Variants in IRF4 observed in about 807,000 individuals in gnomAD.
IRF4 encodes the protein interferon regulatory factor 4.
A neutral mutation model predicts 55.5 loss-of-function variants in IRF4; 13 were observed. That is an observed-to-expected ratio of 0.23 (90% CI 0.15 to 0.37). The LOEUF (loss-of-function observed/expected upper bound fraction) is 0.37, where lower values mean the gene tolerates loss of function less well. IRF4 is among the 10% of genes least tolerant of loss of function. IRF4 has a pLI of 1.00. For synonymous variants in IRF4, 249 were observed against 240.7 expected (o/e 1.03, Z -0.32); for missense variants, 397 against 593.8 (o/e 0.67, Z 3.44).
At chr6:394,427 C>G (rs1191040825) in intron 2 of IRF4, among the ~76,000 whole-genome samples, 1 of 152,194 alleles carries the variant, frequency 6.6e-6, no homozygotes, top group African/African-American at 2.4e-5. Flanking sequence ...AGGACCTATG[C>G]GCCATTCTTT....
rs143711356 is a variant in IRF4 at position 407,472 on chromosome 6, C to T, written c.1230C>T (p.Ala410=). The T allele has an allele frequency of 1.2e-6, 2 of 1,605,454 alleles. No homozygotes were observed. Among genetic ancestry groups the T allele is most frequent in the South Asian group, 1.1e-5 (1 of 88,226 alleles). The part of the protein sequence containing the change: ...LITAHVEPLL[A]RQLYYFAQQN... ...TATTAAAGGTAGAACCTCTGCTAGC[C>T]AGACAACTATATTATTTTGCTCAAC... The change falls in exon 9 of 9, where the codon GCC becomes GCT. Residue 410 remains alanine (A), a synonymous_variant. Transcript: ENST00000380956.
chr6:393,295 G>C lies in IRF4; in HGVS notation c.143G>C (p.Ser48Thr). 3 of 1,607,482 alleles carry C rather than the reference G, an allele frequency of 1.9e-6. No homozygotes were observed. Among genetic ancestry groups the C allele is most frequent in the Non-Finnish European group, 2.5e-6 (3 of 1,177,298 alleles). The change falls in exon 2 of 9, where the codon AGC becomes ACC. Residue 48 changes from serine to threonine, a missense_variant. Transcript: ENST00000380956. This position sits in a 1 kb window ranked among gnomAD's most constrained non-coding sequence, Gnocchi z 5.4. ...CTGGTGTGGGAGAACGAGGAGAAGAGCATCTTCCGCATCCCCTGGAAGCAC... is the reference window on the plus strand; with the variant it reads ...CTGGTGTGGGAGAACGAGGAGAAGACCATCTTCCGCATCCCCTGGAAGCAC... ...PGLVWENEEK[S>T]IFRIPWKHAG...
intron 4 of IRF4, among the ~76,000 whole-genome samples, chr6:396,417 C>T (rs2127437659): frequency 6.6e-6 from 1 of 152,342 alleles, no homozygotes; most frequent in Middle Eastern, 3.4e-3. Context: ...TATGATCCTC[C>T]ATGAGTGTTT....
At chr6:400,559 T>G (rs67212931) in intron 6 of IRF4, among the ~76,000 whole-genome samples, 9,976 of 152,310 alleles carry the variant, frequency 0.065, 359 homozygotes, top group Middle Eastern at 0.085. Flanking sequence ...TTAATTTCTT[T>G]CTTTTCACAA....
rs535002697 is a variant in IRF4, at chr6:410,653, G to A, written c.*3055G>A. The A allele has an allele frequency of 1.7e-5, 4 of 231,226 alleles. No homozygotes were observed. Among genetic ancestry groups the A allele is most frequent in the East Asian group, 1.2e-4 (2 of 16,468 alleles). 14.3% of individuals were successfully genotyped at this position (231,226 alleles called of 1,614,324 possible). ...CACCTCTTGGCTTTGTTGATGCTCC[G>A]CCAGGAAGGCCACTTGTGTGTGCGT... On this transcript the variant is annotated 3_prime_UTR_variant, in exon 9 of 9. Coordinates refer to ENST00000380956, the MANE Select transcript of IRF4 (RefSeq NM_002460.4).
chr6:406,749 A>G, intron 8 of IRF4: 1 of 1,159,168 alleles, frequency 8.6e-7, no homozygotes, highest in East Asian at 7.2e-5. Context: ...AAAAATTATT[A>G]ATTTAATTCA....
At chr6:395,980 GC>G in intron 4 of IRF4, 45 bp downstream of exon 4, 1 of 1,482,062 alleles carries the variant, frequency 6.7e-7, no homozygotes, top group Non-Finnish European at 9.4e-7. Flanking sequence ...GGCTGTGTGG[GC>G]CAGCTGCCCA....
At position 393,060 on chromosome 6, in the gene IRF4, G is replaced by T. The variant is rs1028370282; in HGVS notation, c.-55-38G>T. 2 of 1,189,198 alleles carry T rather than the reference G, an allele frequency of 1.7e-6. No homozygotes were observed. Among genetic ancestry groups the T allele is most frequent in the East Asian group, 2.7e-5 (1 of 37,672 alleles). 73.7% of individuals were successfully genotyped at this position (1,189,198 alleles called of 1,614,324 possible). A position where few individuals can be genotyped will look rare whatever the true frequency, so the allele number is the denominator to read the frequency against. On this transcript the variant is annotated intron_variant, in intron 1 of 8. Coordinates refer to ENST00000380956, the MANE Select transcript of IRF4 (RefSeq NM_002460.4). The surrounding 1 kb of genome is among the most constrained non-coding windows in gnomAD (Gnocchi z 5.4). ...GATCGGGGCGGGGTGCCCGGAGTGC[G>T]GTGCCTCGTGGCTGAAGGGCAGCTC...
At chr6:396,534 C>A (rs1256208387) in intron 4 of IRF4, among the ~76,000 whole-genome samples, 2 of 151,978 alleles carry the variant, frequency 1.3e-5, no homozygotes, top group Admixed American at 6.5e-5. Context: ...TGTAAGAGCA[C>A]CCCCCGTCTC....
At chr6:392,875 G>C (rs561136601) in intron 1 of IRF4, among the ~76,000 whole-genome samples, 7 of 152,264 alleles carry the variant, frequency 4.6e-5, no homozygotes, top group Admixed American at 2.0e-4. Context: ...GAGCCTTCGC[G>C]GGGGCCGAGC....
intron 2 of IRF4, 101 bp from the exon 3 acceptor site, chr6:394,720 A>G: frequency 8.9e-7 from 1 of 1,124,634 alleles, no homozygotes; most frequent in Non-Finnish European, 1.3e-6. Flanking sequence ...GTGCCACTGT[A>G]CTCTAGCCTG....
intron 1 of IRF4, chr6:392,015 T>C (rs1048219586): frequency 3.6e-5 from 13 of 363,246 alleles, no homozygotes; most frequent in African/African-American, 2.3e-4. Context: ...GCCCGCCTCC[T>C]TGGCTCTGCC....
In IRF4 at chr6:393,422, G is replaced by C; in HGVS notation, c.216+54G>C. ...GCGCCGGGGAGGGCCCAGAGACAGAGCCCGGGGTCCCCGGCGCCGCCTCCG... is the reference window on the plus strand; with the variant it reads ...GCGCCGGGGAGGGCCCAGAGACAGACCCCGGGGTCCCCGGCGCCGCCTCCG... On this transcript the variant is annotated intron_variant, in intron 2 of 8. Coordinates refer to ENST00000380956, the MANE Select transcript of IRF4 (RefSeq NM_002460.4). This position sits in a 1 kb window ranked among gnomAD's most constrained non-coding sequence, Gnocchi z 5.4. 14 of 1,017,450 alleles carry C rather than the reference G, an allele frequency of 1.4e-5. No individual in the cohort carries two copies. The highest frequency in any genetic ancestry group is 3.4e-5 in the Admixed American group (1 of 29,842). 63.0% of individuals were successfully genotyped at this position (1,017,450 alleles called of 1,614,324 possible). A position where few individuals can be genotyped will look rare whatever the true frequency, so the allele number is the denominator to read the frequency against.
chr6:401,356 G>A lies in IRF4; in HGVS notation c.746-68G>A, dbSNP rs561550591. The A allele has an allele frequency of 5.0e-6, 6 of 1,209,754 alleles. No individual in the cohort carries two copies. In the African/African-American group the frequency reaches 7.4e-5, roughly 15 times the overall value. 74.9% of individuals were successfully genotyped at this position (1,209,754 alleles called of 1,614,324 possible). A position where few individuals can be genotyped will look rare whatever the true frequency, so the allele number is the denominator to read the frequency against. On this transcript the variant is annotated intron_variant, in intron 6 of 8. Transcript: ENST00000380956. ...AGTTCCACCACAGGTGCTTGGCTCTGTGGAGTCGTTGGCCTCGAGGTGGTG... is the reference window on the plus strand; with the variant it reads ...AGTTCCACCACAGGTGCTTGGCTCTATGGAGTCGTTGGCCTCGAGGTGGTG...
At chr6:404,386 A>G (rs1172789320) in intron 7 of IRF4, among the ~76,000 whole-genome samples, 2 of 152,144 alleles carry the variant, frequency 1.3e-5, no homozygotes, top group African/African-American at 4.8e-5. Flanking sequence ...TTCTCAAGTC[A>G]AGTTACTGTT....
rs1761150546 is a variant in IRF4 at position 392,974 on chromosome 6, A to G, written c.-55-124A>G. The G allele has an allele frequency of 1.2e-5, 7 of 573,994 alleles. 1 individual carries two copies. The highest frequency in any genetic ancestry group is 2.1e-5 in the Non-Finnish European group (7 of 340,894). The allele number at this position is 573,994 out of a possible 1,614,324, so 35.6% of individuals were successfully genotyped here. A position where few individuals can be genotyped will look rare whatever the true frequency, so the allele number is the denominator to read the frequency against. On this transcript the variant is annotated intron_variant, in intron 1 of 8. Coordinates refer to ENST00000380956, the MANE Select transcript of IRF4 (RefSeq NM_002460.4). ...TTCCGGGGGCCCGGACGACCCTGACACGGCACGCGCGCGCTTCGCAGCCTC... is the reference window on the plus strand; with the variant it reads ...TTCCGGGGGCCCGGACGACCCTGACGCGGCACGCGCGCGCTTCGCAGCCTC...
chr6:402,860 C>T (rs549501563), intron 7 of IRF4, among the ~76,000 whole-genome samples: 8 of 152,272 alleles, frequency 5.3e-5, no homozygotes, highest in East Asian at 1.9e-4. Context: ...GGCAAAACCC[C>T]GTCTCTACTA....
intron 6 of IRF4, 27 bp downstream of exon 6, chr6:398,962 C>T: frequency 6.6e-7 from 1 of 1,510,312 alleles, no homozygotes; most frequent in Non-Finnish European, 9.1e-7. Flanking sequence ...CTCCTGGAGG[C>T]ACCGCAGGAG....
rs534422912 is a variant in IRF4, at chr6:391,798, G to A, written c.-67G>A. 4.8e-5 allele frequency: 22 copies of A among 456,152 alleles called. No homozygotes were observed. The East Asian group carries it at 1.5e-3, about 32-fold the overall frequency. 28.3% of individuals were successfully genotyped at this position (456,152 alleles called of 1,614,324 possible). The stretch of plus-strand genomic sequence containing the variant: ...GACCCACCGCTGCCCTCAGCTCCGA[G>A]TCCAGGGCGAGGTAAGGGCTGGAGT... On this transcript the variant is annotated 5_prime_UTR_variant, in exon 1 of 9. Coordinates refer to ENST00000380956, the MANE Select transcript of IRF4 (RefSeq NM_002460.4).
Sources: gnomAD v4.1 joint callset for allele counts (sites outside exome capture counted in the v4.1 genomes callset) on GRCh38, gnomAD v4.1.1 for gene constraint, Gnocchi (gnomAD v3.1) non-coding constraint, MANE v1.5 for transcripts, NCBI Gene and HGNC (gene_info 2026-07-23, HGNC 2026-07-21) for gene names.